DNAAF4: variants seen among roughly 807,000 people sequenced by gnomAD.
DNAAF4 encodes dynein axonemal assembly factor 4, also known as dynein assembly factor 4, axonemal.
In DNAAF4, 43 loss-of-function variants were observed where a neutral mutation model predicts 51.8. The observed-to-expected ratio is 0.83, with a 90% CI of 0.65 to 1.07. DNAAF4 has a LOEUF of 1.07. DNAAF4 is among the 50% of genes least tolerant of loss of function. The pLI, the probability that DNAAF4 is intolerant of heterozygous loss-of-function variation, is 0.00. For synonymous variants in DNAAF4, 194 were observed against 165.6 expected (o/e 1.17, Z -1.32); for missense variants, 581 against 493.0 (o/e 1.18, Z -1.69).
intron 6 of DNAAF4, among the ~76,000 whole-genome samples, chr15:55,441,804 T>C (rs1201620767): frequency 6.6e-6 from 1 of 152,218 alleles, no homozygotes; most frequent in East Asian, 1.9e-4. Context: ...TTCTTTTTTC[T>C]TTTTTAAATG....
At chr15:55,475,097 G>A (rs1192657329) in intron 4 of DNAAF4, among the ~76,000 whole-genome samples, 1 of 152,164 alleles carries the variant, frequency 6.6e-6, no homozygotes, top group African/African-American at 2.4e-5. Flanking sequence ...GTTCCTGGAG[G>A]GAAATCTCAA....
At position 55,475,272 on chromosome 15, in the gene DNAAF4, C is replaced by G. The variant is rs2058321542; in HGVS notation, c.406-8111G>C. Among the ~76,000 whole-genome samples the G allele has an allele frequency of 2.6e-5, 4 of 152,114 alleles. No homozygotes were observed. The South Asian group carries it at 8.3e-4, about 32-fold the overall frequency. Reference sequence around the variant, plus strand: ...TGAAGAGGTTGGCAATTCCCCTCCACAAATATTAAGGATAAAACTGGATAA... The same window carrying G: ...TGAAGAGGTTGGCAATTCCCCTCCAGAAATATTAAGGATAAAACTGGATAA... On this transcript the variant is annotated intron_variant, in intron 4 of 9. Coordinates refer to ENST00000321149, the MANE Select transcript of DNAAF4 (RefSeq NM_130810.4).
intron 7 of DNAAF4, among the ~76,000 whole-genome samples, chr15:55,423,748 T>C (rs561859211): frequency 2.0e-5 from 3 of 151,656 alleles, no homozygotes; most frequent in African/African-American, 4.8e-5. Context: ...AGATAAGGAG[T>C]GCGAGACCAG....
chr15:55,446,797 A>C (rs150808790), intron 6 of DNAAF4, among the ~76,000 whole-genome samples: 6,480 of 128,826 alleles, frequency 0.05, 184 homozygotes, highest in East Asian at 0.15. Context: ...CACATCCCAG[A>C]TGGGGCGGCC....
intron 5 of DNAAF4, among the ~76,000 whole-genome samples, chr15:55,465,662 G>C (rs2058161005): frequency 6.6e-6 from 1 of 151,448 alleles, no homozygotes; most frequent in Non-Finnish European, 1.5e-5. Context: ...CGCCTCCCAG[G>C]TTCAAGCGAT....
At chr15:55,500,759 G>A (rs916575865) in intron 1 of DNAAF4, among the ~76,000 whole-genome samples, 1 of 152,028 alleles carries the variant, frequency 6.6e-6, no homozygotes, top group Admixed American at 6.5e-5. Flanking sequence ...TTGGAAGGCC[G>A]AGGTGGGCGG....
At chr15:55,452,247 A>G (rs1261676999) in intron 5 of DNAAF4, among the ~76,000 whole-genome samples, 520 of 86,862 alleles carry the variant, frequency 6.0e-3, no homozygotes, top group African/African-American at 0.017. Context: ...GTCTCACTAA[A>G]AAAAAAAAAA....
chr15:55,452,350 C>A (rs572066177), intron 5 of DNAAF4, among the ~76,000 whole-genome samples: 1 of 144,166 alleles, frequency 6.9e-6, no homozygotes, highest in Non-Finnish European at 1.5e-5. Flanking sequence ...ACTAATAATA[C>A]TAATGATTAA....
intron 5 of DNAAF4, among the ~76,000 whole-genome samples, chr15:55,460,674 CCAA>C (rs1248552178): frequency 6.6e-6 from 1 of 152,042 alleles, no homozygotes; most frequent in Non-Finnish European, 1.5e-5. Flanking sequence ...AATATTCTAC[CCAA>C]CAACTGCAGA....
rs142108738 is a variant in DNAAF4 at position 55,497,797 on chromosome 15, G to C, written c.186C>G (p.Ser62Arg). 21 of 1,593,464 alleles carry C rather than the reference G, an allele frequency of 1.3e-5. No individual in the cohort carries two copies. In the Admixed American group the frequency reaches 2.4e-4, roughly 18 times the overall value. ...FLYAPIDDESSKAKIGNDTIV... is the reference protein window; with the variant it reads ...FLYAPIDDESRKAKIGNDTIV... ...TGGTGTCATTCCCAATCTTTGCTTT[G>C]CTGCTCTCATCGTCTATGGGAGCAT... Residue 62 changes from serine to arginine, a missense_variant, in exon 3 of 10, where the codon AGC becomes AGG. By Grantham distance (110) the Ser-to-Arg change is moderately radical. Transcript: ENST00000321149.
intron 1 of DNAAF4, among the ~76,000 whole-genome samples, chr15:55,502,462 C>G (rs940249319): frequency 6.6e-6 from 1 of 152,110 alleles, no homozygotes; most frequent in African/African-American, 2.4e-5. Context: ...TAAAAATGCT[C>G]AGGTTTAATC....
intron 7 of DNAAF4, among the ~76,000 whole-genome samples, chr15:55,423,191 T>C (rs1421399834): frequency 6.7e-6 from 1 of 150,202 alleles, no homozygotes; most frequent in Non-Finnish European, 1.5e-5. Flanking sequence ...TAAGATATGA[T>C]ATAATATAGC....
intron 5 of DNAAF4, among the ~76,000 whole-genome samples, chr15:55,465,564 C>CT (rs76254398): frequency 0.037 from 4,858 of 131,580 alleles, 121 homozygotes; most frequent in Middle Eastern, 0.049. Flanking sequence ...TATGTTCTCA[C>CT]TTTTTTTTTT....
At chr15:55,498,161 T>G in intron 2 of DNAAF4, 46 bp downstream of exon 2, 2 of 1,613,786 alleles carry the variant, frequency 1.2e-6, no homozygotes, top group South Asian at 2.2e-5. Flanking sequence ...TGCAGAAGCT[T>G]CGGACCACAC....
rs1195858930 is a variant in DNAAF4 at position 55,450,226 on chromosome 15, T to C, written c.779A>G (p.Glu260Gly). 1 of 1,609,456 alleles carries C rather than the reference T, an allele frequency of 6.2e-7. No individual in the cohort carries two copies. The highest frequency in any genetic ancestry group is 8.5e-7 in the Non-Finnish European group (1 of 1,178,964). Residue 260 changes from glutamate (E) to glycine (G), a missense_variant, in exon 6 of 10, where the codon GAG (glutamate) becomes GGG (glycine). By Grantham distance (98) the Glu-to-Gly change is moderately conservative. Transcript: ENST00000321149. ...AACTAGAGTAAGTATATATACCTCC[T>C]CCTCTTCTGCTACTTGTGATTCACG... ...ALRESQVAEE[E>G]EWLHKQAEAR...
At chr15:55,458,407 CA>C (rs2058049976) in intron 5 of DNAAF4, among the ~76,000 whole-genome samples, 1 of 151,946 alleles carries the variant, frequency 6.6e-6, no homozygotes, top group South Asian at 2.1e-4. Context: ...TGGAAAGTTT[CA>C]ACAATAGATT....
intron 5 of DNAAF4, among the ~76,000 whole-genome samples, chr15:55,457,149 T>C (rs1234773882): frequency 5.3e-5 from 8 of 151,990 alleles, no homozygotes; most frequent in African/African-American, 1.7e-4. Context: ...TGGCAAGGCT[T>C]ATAGTCTGGG....
intron 9 of DNAAF4, among the ~76,000 whole-genome samples, 193 bp from the exon 10 acceptor site, chr15:55,430,972 G>A (rs2057483255): frequency 6.6e-6 from 1 of 151,994 alleles, no homozygotes; most frequent in African/African-American, 2.4e-5. Context: ...GGAGTGCAGT[G>A]GCATGATCTC....
At chr15:55,456,104 A>C (rs541006621) in intron 5 of DNAAF4, among the ~76,000 whole-genome samples, 2 of 146,642 alleles carry the variant, frequency 1.4e-5, no homozygotes, top group Non-Finnish European at 3.0e-5. Flanking sequence ...TTTGAGATGG[A>C]GTTTCACTCT....
Sources: gnomAD v4.1 joint callset for allele counts (sites outside exome capture counted in the v4.1 genomes callset) on GRCh38, gnomAD v4.1.1 for gene constraint, MANE v1.5 for transcripts, NCBI Gene and HGNC (gene_info 2026-07-23, HGNC 2026-07-21) for gene names.